The following IFT81 variants were observed in gnomAD, a reference collection of about 807,000 sequenced individuals.
The protein encoded by IFT81 is intraflagellar transport protein 81 homolog.
IFT81 carries 72 observed loss-of-function variants against 102.6 expected under a neutral mutation model. That is an observed-to-expected ratio of 0.70 (90% CI 0.58 to 0.85). IFT81 has a LOEUF of 0.85. Ranked by LOEUF, IFT81 falls within the 40% of genes least tolerant of loss-of-function variation. IFT81 has a pLI of 0.00. For missense variants in IFT81, 723 were observed against 787.3 expected (o/e 0.92, Z 0.98); for synonymous variants, 237 against 242.7 (o/e 0.98, Z 0.22).
In IFT81 at chr12:110,209,043, A is replaced by G. The variant is rs1165971167; in HGVS notation, c.1803-128A>G. ...GACAAAGAATTTTATAATGGGTTTC[A>G]TTCTGACTCCAGTACCCTAAACTAT... On this transcript the variant is annotated intron_variant, in intron 17 of 18. Coordinates refer to ENST00000242591, the MANE Select transcript of IFT81 (RefSeq NM_014055.4). 2.1e-5 allele frequency: 9 copies of G among 428,316 alleles called. No homozygotes were observed. In the South Asian group the frequency reaches 8.2e-4, roughly 39 times the overall value. The allele number at this position is 428,316 out of a possible 1,614,324, so 26.5% of individuals were successfully genotyped here. A position where few individuals can be genotyped will look rare whatever the true frequency, so the allele number is the denominator to read the frequency against.
At chr12:110,207,871 T>C (rs1335678588) in intron 17 of IFT81, among the ~76,000 whole-genome samples, 3 of 152,214 alleles carry the variant, frequency 2.0e-5, no homozygotes, top group African/African-American at 7.2e-5. Context: ...TCTCACATTT[T>C]GTCTTAAATA....
chr12:110,156,252 A>G (rs1054639165), intron 10 of IFT81, among the ~76,000 whole-genome samples: 5 of 152,230 alleles, frequency 3.3e-5, no homozygotes, highest in Non-Finnish European at 5.9e-5. Flanking sequence ...TGTAGAGAAC[A>G]AAAAGTGGAT....
chr12:110,145,285 C>T (rs923611465), intron 9 of IFT81, among the ~76,000 whole-genome samples: 4 of 151,526 alleles, frequency 2.6e-5, no homozygotes, highest in African/African-American at 9.7e-5. Flanking sequence ...TGCCTGCCTC[C>T]GTCCACCTCA....
intron 12 of IFT81, among the ~76,000 whole-genome samples, chr12:110,187,138 A>G (rs921766420): frequency 2.6e-4 from 39 of 152,114 alleles, no homozygotes; most frequent in African/African-American, 8.9e-4. Flanking sequence ...ATATGATTCA[A>G]TTTTATAGAT....
At chr12:110,139,863 A>T (rs866436426) in intron 8 of IFT81, among the ~76,000 whole-genome samples, 1,981 of 90,590 alleles carry the variant, frequency 0.022, 24 homozygotes, top group African/African-American at 0.049. Flanking sequence ...AAATAAAATA[A>T]AATATAAAAT....
chr12:110,191,329 C>A (rs1897787452), intron 13 of IFT81, among the ~76,000 whole-genome samples: 2 of 152,118 alleles, frequency 1.3e-5, no homozygotes, highest in South Asian at 4.2e-4. Flanking sequence ...TGCCACCATG[C>A]CCGGCTAATT....
chr12:110,213,578 T>C (rs1195971663), intron 18 of IFT81, among the ~76,000 whole-genome samples: 1 of 152,200 alleles, frequency 6.6e-6, no homozygotes, highest in Non-Finnish European at 1.5e-5. Flanking sequence ...ACATTCTGAT[T>C]ATGTCATTCA....
intron 11 of IFT81, among the ~76,000 whole-genome samples, chr12:110,179,199 C>T (rs569494567): frequency 6.6e-6 from 1 of 152,220 alleles, no homozygotes; most frequent in Admixed American, 6.5e-5. Context: ...ATAGTAGCTA[C>T]AAGTGTTGAT....
chr12:110,175,722 A>C (rs748537414), intron 11 of IFT81, among the ~76,000 whole-genome samples: 2 of 152,232 alleles, frequency 1.3e-5, no homozygotes, highest in South Asian at 4.1e-4. Context: ...CTCCCTCTCT[A>C]CTTCCTCCAC....
At chr12:110,205,290 G>T in intron 15 of IFT81, 153 bp from the exon 16 acceptor site, 1 of 756,418 alleles carries the variant, frequency 1.3e-6, no homozygotes, top group South Asian at 2.4e-5. Context: ...TCTAGAAAAA[G>T]ATTATCTCTT....
At chr12:110,128,233 A>G (rs1893960300) in intron 3 of IFT81, 84 bp downstream of exon 3, 3 of 810,418 alleles carry the variant, frequency 3.7e-6, no homozygotes, top group South Asian at 1.5e-5. Flanking sequence ...CTTTGTAGGT[A>G]ATACCTGGTT....
At chr12:110,173,115 T>TG (rs1295786667) in intron 11 of IFT81, among the ~76,000 whole-genome samples, 11 of 103,624 alleles carry the variant, frequency 1.1e-4, no homozygotes, top group East Asian at 3.1e-4. Flanking sequence ...GGGAGGGAGG[T>TG]GGGGGGGTCA....
chr12:110,182,700 G>C (rs1316994309), intron 12 of IFT81, among the ~76,000 whole-genome samples: 1 of 152,188 alleles, frequency 6.6e-6, no homozygotes, highest in Non-Finnish European at 1.5e-5. Context: ...AGAAGCTCAA[G>C]TGACCAGATG....
chr12:110,136,754 T>C (rs1489868485), intron 7 of IFT81, 22 bp from the exon 8 acceptor site: 1 of 1,485,900 alleles, frequency 6.7e-7, no homozygotes. Flanking sequence ...AAGCAAGTAA[T>C]CTATTTAATT....
At chr12:110,216,478 A>G in intron 18 of IFT81, 1 of 452,056 alleles carries the variant, frequency 2.2e-6, no homozygotes, top group South Asian at 1.6e-5. Context: ...TACAGGTGTG[A>G]GTCACCGTGC....
intron 11 of IFT81, among the ~76,000 whole-genome samples, chr12:110,165,466 C>T (rs924637559): frequency 2.6e-5 from 4 of 152,028 alleles, no homozygotes; most frequent in Admixed American, 2.6e-4. Flanking sequence ...TCCTTTGCCC[C>T]CCATCTGTTA....
intron 6 of IFT81, 120 bp from the exon 7 acceptor site, chr12:110,135,207 C>T (rs991312872): frequency 1.4e-6 from 1 of 717,600 alleles, no homozygotes; most frequent in Non-Finnish European, 2.4e-6. Flanking sequence ...GCTTTACTGT[C>T]ATCTCTAGGG....
chr12:110,139,362 GAAAAA>G (rs1894710631), intron 8 of IFT81, among the ~76,000 whole-genome samples: 1 of 145,590 alleles, frequency 6.9e-6, no homozygotes, highest in South Asian at 2.2e-4. Flanking sequence ...AAAAGAAAAG[GAAAAA>G]AGAAAAGAAA....
At chr12:110,157,908 A>T (rs899407873) in intron 10 of IFT81, among the ~76,000 whole-genome samples, 1 of 151,716 alleles carries the variant, frequency 6.6e-6, no homozygotes, top group Non-Finnish European at 1.5e-5. Flanking sequence ...TGGCATTTCT[A>T]TTTTGTTAAT....
Sources: allele counts gnomAD v4.1 joint callset (sites outside exome capture counted in the v4.1 genomes callset), GRCh38; gene constraint gnomAD v4.1.1; transcripts MANE v1.5; gene names NCBI Gene and HGNC (gene_info 2026-07-23, HGNC 2026-07-21).